LYST: variants seen among roughly 807,000 people sequenced by gnomAD.
LYST encodes lysosomal-trafficking regulator.
Under a neutral mutation model 413.6 loss-of-function variants are expected in LYST, and 192 were observed. The observed-to-expected ratio is 0.46, with a 90% confidence interval of 0.41 to 0.52. The LOEUF (loss-of-function observed/expected upper bound fraction) is 0.52, where lower values mean the gene tolerates loss of function less well. Among genes scored for constraint, LYST ranks in the 20% least tolerant of loss-of-function variants. The probability of loss-of-function intolerance (pLI) is 0.00; values close to 1 mark genes in which losing one functional copy is unlikely to be tolerated. For missense variants in LYST, 3,815 were observed against 4,499.9 expected (o/e 0.85, Z 4.35); for synonymous variants, 1,525 against 1,567.3 (o/e 0.97, Z 0.64).
chr1:235,769,509 C>T (rs1033078702), intron 20 of LYST, among the ~76,000 whole-genome samples: 2 of 151,954 alleles, frequency 1.3e-5, no homozygotes, highest in African/African-American at 4.8e-5. Flanking sequence ...AGTATCTGTA[C>T]TTATCTAACT....
At chr1:235,834,512 A>C (rs1676337786) in intron 1 of LYST, among the ~76,000 whole-genome samples, 1 of 152,174 alleles carries the variant, frequency 6.6e-6, no homozygotes, top group Non-Finnish European at 1.5e-5. Flanking sequence ...TACTGGGATT[A>C]CAGGCGTGAG....
chr1:235,871,315 T>G (rs1056683697), upstream of LYST, among the ~76,000 whole-genome samples: 1 of 152,252 alleles, frequency 6.6e-6, no homozygotes, highest in African/African-American at 2.4e-5. Flanking sequence ...CTAGAGCGAT[T>G]CCATCTTGAA....
chr1:235,841,006 G>C (rs186687443), intron 1 of LYST, among the ~76,000 whole-genome samples: 185 of 152,294 alleles, frequency 1.2e-3, no homozygotes, highest in African/African-American at 4.3e-3. Context: ...GAAGAACTGA[G>C]GCACGTGTGC....
In LYST at chr1:235,733,664, T is replaced by C. The variant is rs1203440240; in HGVS notation, c.8640A>G (p.Ser2880=). 1 of 1,613,788 alleles carries C rather than the reference T, an allele frequency of 6.2e-7. No individual in the cohort carries two copies. Among genetic ancestry groups the C allele is most frequent in the Non-Finnish European group, 8.5e-7 (1 of 1,179,774 alleles). ...CTGCAGCTATTTTAGATATATCCTT[T>C]GATTTTGAATCCAGACGCTGAAAGA... The part of the protein sequence containing the change: ...QSLFQRLDSK[S]KDISKIAADI... Residue 2880 remains serine, a synonymous_variant, in exon 34 of 53, where the codon TCA becomes TCG. Transcript: ENST00000389793.
intron 3 of LYST, chr1:235,827,862 A>G: frequency 7.8e-6 from 6 of 771,084 alleles, no homozygotes; most frequent in Non-Finnish European, 9.5e-6. Flanking sequence ...ATACAAAGAA[A>G]ATACCGTATT....
At chr1:235,858,562 C>A (rs1279614220) in intron 1 of LYST, among the ~76,000 whole-genome samples, 1 of 152,102 alleles carries the variant, frequency 6.6e-6, no homozygotes, top group Admixed American at 6.6e-5. Flanking sequence ...TTCCATTAAT[C>A]CTGCACTTGA....
chr1:235,765,833 A>G (rs1668086037), intron 21 of LYST, among the ~76,000 whole-genome samples: 1 of 151,428 alleles, frequency 6.6e-6, no homozygotes, highest in African/African-American at 2.4e-5. Context: ...GATACTTACC[A>G]AATACACATT....
Position 235,771,917 on chromosome 1 carries a change from G to GGT in LYST, c.5785-1621_5785-1620insAC, listed in dbSNP as rs1553291134. ...TAGATTAGAAAAGGTTTTTTAGTTT[G>GGT]TTTTTTTTTTTTTTTTTTTTTTTGG... On this transcript the variant is annotated intron_variant, in intron 19 of 52. Transcript: ENST00000389793. 4.5e-3 allele frequency among the ~76,000 whole-genome samples: 325 copies of GGT among 72,766 alleles called. 1 individual carries two copies. Among genetic ancestry groups the GGT allele is most frequent in the African/African-American group, 0.017 (311 of 18,328 alleles). The allele number at this position is 72,766 out of a possible 152,430, so 47.7% of individuals were successfully genotyped here.
At chr1:235,864,835 G>C (rs1336889302) in intron 1 of LYST, among the ~76,000 whole-genome samples, 1 of 152,128 alleles carries the variant, frequency 6.6e-6, no homozygotes, top group African/African-American at 2.4e-5. Context: ...AGGCTGAGGT[G>C]AGAGGATCAC....
intron 2 of LYST, among the ~76,000 whole-genome samples, chr1:235,831,597 T>TTCC (rs1675987761): frequency 1.3e-5 from 2 of 152,188 alleles, no homozygotes. Flanking sequence ...ACTACCTTAG[T>TTCC]TCCTGTTCAT....
chr1:235,777,452 T>A (rs1482763911), intron 16 of LYST, 144 bp from the exon 17 acceptor site: 2 of 692,470 alleles, frequency 2.9e-6, no homozygotes, highest in African/African-American at 1.8e-5. Context: ...ACTAAACAGA[T>A]AAACATTAGA....
intron 50 of LYST, among the ~76,000 whole-genome samples, chr1:235,667,002 A>C (rs1405907727): frequency 6.6e-6 from 1 of 152,238 alleles, no homozygotes; most frequent in African/African-American, 2.4e-5. Flanking sequence ...CCTGGAACTT[A>C]GTAGCCAAAG....
intron 3 of LYST, among the ~76,000 whole-genome samples, chr1:235,819,790 T>C (rs1371493253): frequency 6.6e-6 from 1 of 151,960 alleles, no homozygotes. Flanking sequence ...GGATTACAAG[T>C]GCCTGCCACC....
intron 46 of LYST, 146 bp from the exon 47 acceptor site, chr1:235,693,632 CA>C: frequency 2.4e-6 from 2 of 837,506 alleles, no homozygotes; most frequent in Non-Finnish European, 3.8e-6. Flanking sequence ...TAAAATGGAA[CA>C]ATTTTTTAGT....
chr1:235,807,940 T>C (rs970174390), intron 5 of LYST, among the ~76,000 whole-genome samples: 2 of 152,168 alleles, frequency 1.3e-5, no homozygotes, highest in African/African-American at 4.8e-5. Context: ...TAGTTGTAAA[T>C]AAGTGAACAC....
At chr1:235,733,725 A>C (rs1664578037) in intron 33 of LYST, 34 bp from the exon 34 acceptor site, 16 of 1,569,920 alleles carry the variant, frequency 1.0e-5, no homozygotes, top group Non-Finnish European at 1.4e-5. Flanking sequence ...ATAGTTAAGC[A>C]TACATGGAAC....
intron 1 of LYST, among the ~76,000 whole-genome samples, chr1:235,863,803 T>C (rs1012503899): frequency 1.3e-5 from 2 of 152,218 alleles, no homozygotes; most frequent in African/African-American, 4.8e-5. Flanking sequence ...CACTTGTGTT[T>C]ACTACTAATA....
intron 21 of LYST, 35 bp downstream of exon 21, chr1:235,766,044 A>C: frequency 6.9e-7 from 1 of 1,459,810 alleles, no homozygotes; most frequent in Non-Finnish European, 9.6e-7. Context: ...CAAAAGTGGA[A>C]ATAGCCATGA....
chr1:235,680,607 T>C (rs533301460), intron 48 of LYST, among the ~76,000 whole-genome samples: 81 of 151,920 alleles, frequency 5.3e-4, no homozygotes, highest in African/African-American at 2.0e-3. Flanking sequence ...ATTTTCTTTT[T>C]TTTTTTTTGA....
Sources: allele counts gnomAD v4.1 joint callset (sites outside exome capture counted in the v4.1 genomes callset), GRCh38; gene constraint gnomAD v4.1.1; transcripts MANE v1.5; gene names NCBI Gene and HGNC (gene_info 2026-07-23, HGNC 2026-07-21).